The following EMP2 variants were observed in gnomAD, a reference collection of about 807,000 sequenced individuals.
EMP2 encodes epithelial membrane protein 2.
In EMP2, 19 loss-of-function variants were observed where a neutral mutation model predicts 13.7. The observed-to-expected ratio is 1.38, with a 90% CI of 0.97 to 2.03. The LOEUF (loss-of-function observed/expected upper bound fraction) is 2.03, where lower values mean the gene tolerates loss of function less well. Ranked by LOEUF, EMP2 falls within the 30% of genes most tolerant of loss-of-function variation. The pLI, the probability that EMP2 is intolerant of heterozygous loss-of-function variation, is 0.00. For synonymous variants in EMP2, 97 were observed against 84.7 expected (o/e 1.15, Z -0.80); for missense variants, 253 against 220.7 (o/e 1.15, Z -0.93).
chr16:10,567,491 G>C (rs2050914839), intron 1 of EMP2, among the ~76,000 whole-genome samples: 1 of 152,222 alleles, frequency 6.6e-6, no homozygotes, highest in Non-Finnish European at 1.5e-5. Context: ...GCTTGGGGCA[G>C]GGGGAGCAGG....
At chr16:10,538,201 G>A (rs2050665946) in intron 3 of EMP2, 127 bp from the exon 4 acceptor site, 9 of 1,135,392 alleles carry the variant, frequency 7.9e-6, no homozygotes, top group East Asian at 2.5e-5. Flanking sequence ...TCAGGCGGTC[G>A]TCTACATGGT....
At chr16:10,552,917 A>C (rs4462585) in intron 1 of EMP2, among the ~76,000 whole-genome samples, 1 of 152,198 alleles carries the variant, frequency 6.6e-6, no homozygotes, top group Admixed American at 6.5e-5. Context: ...GAAGTCAAGT[A>C]AGGTTTCTAG....
intron 1 of EMP2, among the ~76,000 whole-genome samples, chr16:10,561,905 A>G (rs1270584318): frequency 6.6e-6 from 1 of 152,188 alleles, no homozygotes; most frequent in African/African-American, 2.4e-5. Context: ...TAAAAGGAGA[A>G]AAAAAAGGGT....
At chr16:10,572,570 C>A (rs1001065087) in intron 1 of EMP2, among the ~76,000 whole-genome samples, 1 of 152,136 alleles carries the variant, frequency 6.6e-6, no homozygotes, top group African/African-American at 2.4e-5. Flanking sequence ...TAGTAAGCGG[C>A]CAATAAATAT....
At position 10,532,045 on chromosome 16, in the gene EMP2, A is replaced by C. The variant is rs1210244651; in HGVS notation, c.*860T>G. On this transcript the variant is annotated 3_prime_UTR_variant, in exon 5 of 5. Coordinates refer to ENST00000359543, the MANE Select transcript of EMP2 (RefSeq NM_001424.6). Reference sequence around the variant, plus strand: ...GCATTCACCTCCCCATCTCCACATGACGATACCCCAGCATTTACGAGGCAG... The same window carrying C: ...GCATTCACCTCCCCATCTCCACATGCCGATACCCCAGCATTTACGAGGCAG... The C allele has an allele frequency of 6.5e-6, 1 of 154,736 alleles. No homozygotes were observed. Among genetic ancestry groups the C allele is most frequent in the Non-Finnish European group, 1.5e-5 (1 of 68,234 alleles). The allele number at this position is 154,736 out of a possible 1,614,324, so 9.6% of individuals were successfully genotyped here. A position where few individuals can be genotyped will look rare whatever the true frequency, so the allele number is the denominator to read the frequency against.
intron 2 of EMP2, chr16:10,545,612 AC>A: frequency 1.2e-5 from 2 of 160,890 alleles, no homozygotes; most frequent in Non-Finnish European, 1.3e-5. Context: ...GTCTCCCATC[AC>A]CCCCAGATGG....
intron 1 of EMP2, among the ~76,000 whole-genome samples, chr16:10,550,087 T>C (rs1046112816): frequency 2.0e-5 from 3 of 152,078 alleles, no homozygotes; most frequent in African/African-American, 7.2e-5. Flanking sequence ...GGTTTCACTA[T>C]GTTGGCCAGG....
intron 1 of EMP2, among the ~76,000 whole-genome samples, chr16:10,569,257 T>C (rs185547906): frequency 2.5e-3 from 386 of 152,340 alleles, no homozygotes; most frequent in Non-Finnish European, 3.8e-3. Context: ...GTGCACCACC[T>C]GTTCTACTCA....
At chr16:10,549,290 A>C (rs1349296493) in intron 1 of EMP2, among the ~76,000 whole-genome samples, 2 of 152,250 alleles carry the variant, frequency 1.3e-5, no homozygotes, top group African/African-American at 4.8e-5. Context: ...GTTGATAAAA[A>C]TGTCATGGGA....
intron 1 of EMP2, among the ~76,000 whole-genome samples, chr16:10,561,966 G>T (rs958531051): frequency 6.6e-6 from 1 of 152,194 alleles, no homozygotes; most frequent in Non-Finnish European, 1.5e-5. Flanking sequence ...AGGCCCAGAT[G>T]GCTTCATGGG....
Position 10,574,997 on chromosome 16 carries a change from C to G in EMP2, c.-61+5552G>C, listed in dbSNP as rs552766552. On this transcript the variant is annotated intron_variant, in intron 1 of 4. Coordinates refer to ENST00000359543, the MANE Select transcript of EMP2 (RefSeq NM_001424.6). ...AAGCCCTGGGCTCAAGCAATCCTCC[C>G]GCCTCAGCCTCCTGAGTAGCTGGGA... Among the ~76,000 whole-genome samples, 6 of 151,710 alleles carry G rather than the reference C, an allele frequency of 4.0e-5. No homozygotes were observed. In the East Asian group the frequency reaches 1.2e-3, roughly 30 times the overall value.
chr16:10,536,575 C>T (rs1309092336), intron 4 of EMP2, among the ~76,000 whole-genome samples: 1 of 152,196 alleles, frequency 6.6e-6, no homozygotes, highest in African/African-American at 2.4e-5. Context: ...GAGGCCTCCC[C>T]AGCCATGTGG....
At position 10,543,086 on chromosome 16, in the gene EMP2, T is replaced by A. The variant is rs2050713139; in HGVS notation, c.169+484A>T. Among the ~76,000 whole-genome samples, 3 of 152,182 alleles carry A rather than the reference T, an allele frequency of 2.0e-5. No homozygotes were observed. In the South Asian group the frequency reaches 6.2e-4, roughly 32 times the overall value. ...GTCTCAAACTCCTGACCTCAAGTGA[T>A]CCATCCGCCTCTGCTTCCCAAAGTG... On this transcript the variant is annotated intron_variant, in intron 3 of 4. Transcript: ENST00000359543.
intron 1 of EMP2, among the ~76,000 whole-genome samples, chr16:10,575,794 AG>A (rs1205565428): frequency 6.6e-5 from 10 of 152,120 alleles, no homozygotes; most frequent in African/African-American, 2.4e-4. Context: ...CAGCTGGCAA[AG>A]GTCATCAGAG....
At chr16:10,534,204 G>C (rs2050630134) in intron 4 of EMP2, among the ~76,000 whole-genome samples, 1 of 152,136 alleles carries the variant, frequency 6.6e-6, no homozygotes, top group South Asian at 2.1e-4. Context: ...CTTGCTGACT[G>C]CTTTAAATAT....
chr16:10,560,236 T>C (rs1201932226), intron 1 of EMP2, among the ~76,000 whole-genome samples: 1 of 152,138 alleles, frequency 6.6e-6, no homozygotes, highest in Non-Finnish European at 1.5e-5. Context: ...TTCCTCCAGG[T>C]CCCACATCCT....
chr16:10,544,168 C>CT lies in EMP2; in HGVS notation c.79-509dup, dbSNP rs57786214. The stretch of plus-strand genomic sequence containing the variant: ...TGCGCTCAGCCGGGATTCTACATTT[C>CT]TTTTTTTTTTTCCTTTTTTTGTTTT... On this transcript the variant is annotated intron_variant, in intron 2 of 4. Transcript: ENST00000359543. The CT allele has an allele frequency of 3.2e-3, 483 of 149,286 alleles. 2 individuals are homozygous for CT. Among genetic ancestry groups the CT allele is most frequent in the Middle Eastern group, 0.01 (3 of 290 alleles). 9.2% of individuals were successfully genotyped at this position (149,286 alleles called of 1,614,324 possible). A position where few individuals can be genotyped will look rare whatever the true frequency, so the allele number is the denominator to read the frequency against.
chr16:10,545,391 C>G (rs1032360690), intron 2 of EMP2: 9 of 152,242 alleles, frequency 5.9e-5, no homozygotes, highest in Non-Finnish European at 1.2e-4. Flanking sequence ...AGGAACCAGG[C>G]CACGCAGCAG....
At chr16:10,549,912 G>C (rs2050772906) in intron 1 of EMP2, among the ~76,000 whole-genome samples, 1 of 114,722 alleles carries the variant, frequency 8.7e-6, no homozygotes, top group Admixed American at 1.1e-4. Flanking sequence ...TTGAGACAGA[G>C]TCTCACTCTG....
Sources: allele counts gnomAD v4.1 joint callset (sites outside exome capture counted in the v4.1 genomes callset), GRCh38; gene constraint gnomAD v4.1.1; transcripts MANE v1.5; gene names NCBI Gene and HGNC (gene_info 2026-07-23, HGNC 2026-07-21).